PTPRU: variants seen among roughly 807,000 people sequenced by gnomAD.
The protein encoded by PTPRU is protein tyrosine phosphatase receptor type U.
A neutral mutation model predicts 166.3 loss-of-function variants in PTPRU; 69 were observed. The ratio of observed to expected loss-of-function variants is 0.41; its 90% confidence interval spans 0.34 to 0.51. The LOEUF is 0.51. Among genes scored for constraint, PTPRU ranks in the 20% least tolerant of loss-of-function variants. PTPRU has a pLI of 0.09. For missense variants in PTPRU, 1,657 were observed against 2,013.7 expected, an observed-to-expected ratio of 0.82 and a Z score of 3.39; for synonymous variants, 793 against 814.0, an observed-to-expected ratio of 0.97 and a Z score of 0.44.
intron 1 of PTPRU, among the ~76,000 whole-genome samples, chr1:29,248,856 G>A (rs914087548): frequency 1.3e-5 from 2 of 152,058 alleles, no homozygotes; most frequent in African/African-American, 4.8e-5. Context: ...GCTTCACAGC[G>A]CCTGCCCGGG....
chr1:29,279,159 GGAAGGT>G lies in PTPRU; in HGVS notation c.1563+41_1563+46del. The G allele has an allele frequency of 1.3e-6, 2 of 1,490,216 alleles. No homozygotes were observed. Among genetic ancestry groups the G allele is most frequent in the Non-Finnish European group, 1.8e-6 (2 of 1,091,098 alleles). 92.3% of individuals were successfully genotyped at this position (1,490,216 alleles called of 1,614,324 possible). The stretch of plus-strand genomic sequence containing the variant: ...CCCTATTACAGTGGGGGACCCTGGT[GGAAGGT>G]GAGAGGTGGCCCTCTTTCTCTCTGC... On this transcript the variant is annotated intron_variant, in intron 9 of 29. Transcript: ENST00000373779. The surrounding 1 kb of genome is among the most constrained non-coding windows in gnomAD (Gnocchi z 5.2).
intron 1 of PTPRU, among the ~76,000 whole-genome samples, chr1:29,254,951 T>G (rs960150100): frequency 2.0e-5 from 3 of 152,184 alleles, no homozygotes; most frequent in Non-Finnish European, 4.4e-5. Flanking sequence ...GTTGTGAAGT[T>G]CCAATAATAT....
chr1:29,280,195 C>A lies in PTPRU; in HGVS notation c.1868+54C>A. On this transcript the variant is annotated intron_variant, in intron 11 of 29. Coordinates refer to ENST00000373779, the MANE Select transcript of PTPRU (RefSeq NM_133178.4). This position sits in a 1 kb window ranked among gnomAD's most constrained non-coding sequence, Gnocchi z 4.2. ...GTCCAGGGCCTTAGGAAAGAGGCCC[C>A]TCCTCTGACCCAGAGCCCCATCCCA... 6.7e-7 allele frequency: 1 copy of A among 1,491,330 alleles called. No homozygotes were observed. The allele number at this position is 1,491,330 out of a possible 1,614,324, so 92.4% of individuals were successfully genotyped here. A position where few individuals can be genotyped will look rare whatever the true frequency, so the allele number is the denominator to read the frequency against.
chr1:29,305,464 C>A, intron 18 of PTPRU, 36 bp downstream of exon 18: 1 of 1,588,648 alleles, frequency 6.3e-7, no homozygotes, highest in Non-Finnish European at 8.6e-7. Context: ...GCAGACCTGG[C>A]CCTGCCCGCT....
Position 29,280,181 on chromosome 1 carries a change from T to C in PTPRU, c.1868+40T>C. ...ACGGAGGGGTGGGAGTCCAGGGCCT[T>C]AGGAAAGAGGCCCCTCCTCTGACCC... On this transcript the variant is annotated intron_variant, in intron 11 of 29. Transcript: ENST00000373779. The surrounding 1 kb of genome is among the most constrained non-coding windows in gnomAD (Gnocchi z 4.2). 6.5e-7 allele frequency: 1 copy of C among 1,540,496 alleles called. No homozygotes were observed. Among genetic ancestry groups the C allele is most frequent in the East Asian group, 2.2e-5 (1 of 44,496 alleles).
Position 29,320,927 on chromosome 1 carries a change from C to T in PTPRU, c.3828+102C>T, listed in dbSNP as rs1438605424. 1 of 1,305,556 alleles carries T rather than the reference C, an allele frequency of 7.7e-7. No individual in the cohort carries two copies. Among genetic ancestry groups the T allele is most frequent in the Non-Finnish European group, 1.0e-6 (1 of 976,700 alleles). 80.9% of individuals were successfully genotyped at this position (1,305,556 alleles called of 1,614,324 possible). On this transcript the variant is annotated intron_variant, in intron 26 of 29. Coordinates refer to ENST00000373779, the MANE Select transcript of PTPRU (RefSeq NM_133178.4). This position sits in a 1 kb window ranked among gnomAD's most constrained non-coding sequence, Gnocchi z 5.2. The stretch of plus-strand genomic sequence containing the variant: ...GCCAAAAGTTGGGTCCCAGCTCTGC[C>T]ATCTATTTATTGTGTGATGAATCAT...
chr1:29,282,627 C>T, intron 11 of PTPRU, 49 bp from the exon 12 acceptor site: 1 of 1,567,294 alleles, frequency 6.4e-7, no homozygotes, highest in Non-Finnish European at 8.6e-7. Flanking sequence ...CTGGCTCTCC[C>T]AGTCCTCTGG....
chr1:29,259,145 T>C (rs1684905281), intron 3 of PTPRU, 116 bp from the exon 4 acceptor site: 3 of 1,156,940 alleles, frequency 2.6e-6, no homozygotes, highest in Non-Finnish European at 2.5e-6. Context: ...CAGTGTGAGC[T>C]GGGCTGACCT....
chr1:29,301,293 A>C (rs1687121812), intron 15 of PTPRU, among the ~76,000 whole-genome samples: 1 of 151,520 alleles, frequency 6.6e-6, no homozygotes, highest in Non-Finnish European at 1.5e-5. Context: ...GAGTTGAAAA[A>C]CTCCTATGAC....
At position 29,291,905 on chromosome 1, in the gene PTPRU, C is replaced by T. The variant is rs1424220050; in HGVS notation, c.2355C>T (p.Tyr785=). 2 of 1,614,114 alleles carry T rather than the reference C, an allele frequency of 1.2e-6. No individual in the cohort carries two copies. Among genetic ancestry groups the T allele is most frequent in the Admixed American group, 3.3e-5 (2 of 60,018 alleles). ...ACATGACCAAGGCCACCGTCAACTA[C>T]CGCCAGGAGAAGACACACATGATGA... is the stretch of plus-strand genomic sequence containing the variant. ...PVNMTKATVN[Y]RQEKTHMMSA... Residue 785 remains tyrosine, a synonymous_variant, in exon 15 of 30, where the codon TAC becomes TAT. Transcript: ENST00000373779. This position sits in a 1 kb window ranked among gnomAD's most constrained non-coding sequence, Gnocchi z 4.1.
chr1:29,272,906 C>CAAAAAAAAAAAA (rs57076551), intron 7 of PTPRU, among the ~76,000 whole-genome samples: 5 of 54,642 alleles, frequency 9.2e-5, no homozygotes, highest in East Asian at 4.1e-4. Context: ...GACCTTGTCT[C>CAAAAAAAAAAAA]AAAAAAAAAA....
chr1:29,266,017 T>TG (rs1247280643), intron 7 of PTPRU, among the ~76,000 whole-genome samples: 4 of 139,254 alleles, frequency 2.9e-5, no homozygotes, highest in African/African-American at 7.9e-5. Flanking sequence ...TGGGTTTTTT[T>TG]TTTTTTTTTT....
At position 29,238,767 on chromosome 1, in the gene PTPRU, GCGCCCCATCCC is replaced by G. The variant is rs1683906107; in HGVS notation, c.73+2054_73+2064del. ...AAATCAAACCCGCGGGGTTCTGTAT[GCGCCCCATCCC>G]CGCTCCTACCACCATCGCTTTGATT... is the stretch of plus-strand genomic sequence containing the variant. On this transcript the variant is annotated intron_variant, in intron 1 of 29. Transcript: ENST00000373779. The surrounding 1 kb of genome is among the most constrained non-coding windows in gnomAD (Gnocchi z 6.1). 6.6e-6 allele frequency among the ~76,000 whole-genome samples: 1 copy of G among 151,854 alleles called. No homozygotes were observed. The highest frequency in any genetic ancestry group is 1.5e-5 in the Non-Finnish European group (1 of 67,998).
chr1:29,267,956 G>A (rs750920782), intron 7 of PTPRU, among the ~76,000 whole-genome samples: 12 of 152,188 alleles, frequency 7.9e-5, no homozygotes, highest in Non-Finnish European at 1.6e-4. Context: ...TAAAGGCAGA[G>A]CTAACTGCAT....
chr1:29,264,912 G>A (rs1210476741), intron 7 of PTPRU, among the ~76,000 whole-genome samples: 2 of 152,172 alleles, frequency 1.3e-5, no homozygotes, highest in Non-Finnish European at 2.9e-5. Flanking sequence ...CTTCATCCAA[G>A]TTGTGTATAT....
chr1:29,298,285 A>G (rs1185736242), intron 15 of PTPRU, among the ~76,000 whole-genome samples: 1 of 152,014 alleles, frequency 6.6e-6, no homozygotes, highest in Non-Finnish European at 1.5e-5. Flanking sequence ...ACAAAAAAAA[A>G]AAAACCAAAA....
intron 15 of PTPRU, among the ~76,000 whole-genome samples, chr1:29,293,404 C>T (rs1420166780): frequency 2.6e-5 from 4 of 152,064 alleles, no homozygotes; most frequent in Non-Finnish European, 5.9e-5. Context: ...GGATTACTGG[C>T]GTGAGTCACT....
chr1:29,265,919 AT>A (rs1474242911), intron 7 of PTPRU, among the ~76,000 whole-genome samples: 1 of 151,100 alleles, frequency 6.6e-6, no homozygotes, highest in African/African-American at 2.4e-5. Context: ...ATGAGGTTCA[AT>A]TTGTAAAATT....
rs187041599 is a variant in PTPRU, at chr1:29,301,020, G to A, written c.2477-2835G>A. ...GAAAAGTAGGGGGAGGAGGAGTTTT[G>A]GAGGGAGAAGGACAGCATATGTGAA... On this transcript the variant is annotated intron_variant, in intron 15 of 29. Coordinates refer to ENST00000373779, the MANE Select transcript of PTPRU (RefSeq NM_133178.4). Among the ~76,000 whole-genome samples, 692 of 152,234 alleles carry A rather than the reference G, an allele frequency of 4.5e-3. 4 individuals carry two copies. Among genetic ancestry groups the A allele is most frequent in the Non-Finnish European group, 6.8e-3 (460 of 68,020 alleles).
Sources: allele counts gnomAD v4.1 joint callset (sites outside exome capture counted in the v4.1 genomes callset), GRCh38; gene constraint gnomAD v4.1.1; non-coding constraint Gnocchi (gnomAD v3.1); transcripts MANE v1.5; gene names NCBI Gene and HGNC (gene_info 2026-07-23, HGNC 2026-07-21).